Variants in LYRM9 observed in about 807,000 individuals in gnomAD.
The protein encoded by LYRM9 is LYR motif-containing protein 9.
A neutral mutation model predicts 12.6 loss-of-function variants in LYRM9; 14 were observed. That is an observed-to-expected ratio of 1.11 (90% CI 0.73 to 1.73). The LOEUF (loss-of-function observed/expected upper bound fraction) is 1.73. Ranked by LOEUF, LYRM9 falls within the 40% of genes most tolerant of loss-of-function variation. The probability of loss-of-function intolerance (pLI) is 0.00; values close to 1 mark genes in which losing one functional copy is unlikely to be tolerated. For missense variants in LYRM9, 94 were observed against 95.0 expected (o/e 0.99, Z 0.04); for synonymous variants, 42 against 35.1 (o/e 1.20, Z -0.69).
chr17:27,880,296 T>C lies in LYRM9; in HGVS notation c.197A>G (p.Asp66Gly). The change falls in exon 3 of 4, where the codon GAT (aspartate) becomes GGT (glycine). Residue 66 changes from aspartate (D) to glycine (G), a missense_variant. Coordinates refer to ENST00000379102, the MANE Select transcript of LYRM9 (RefSeq NM_001076680.3). Reference protein sequence around the residue: ...IQQIIKRAIEDADWIMNKYKK... With the variant: ...IQQIIKRAIEGADWIMNKYKK... ...TACTTTGTTCATGATCCAGTCAGCA[T>C]CTTCAATGGCTCTTTTAATAATCTG... 1.2e-6 allele frequency: 2 copies of C among 1,610,058 alleles called. No homozygotes were observed. The highest frequency in any genetic ancestry group is 1.7e-6 in the Non-Finnish European group (2 of 1,178,022).
chr17:27,884,875 C>A (rs1322721262), intron 1 of LYRM9, among the ~76,000 whole-genome samples: 1 of 150,130 alleles, frequency 6.7e-6, no homozygotes, highest in African/African-American at 2.4e-5. Flanking sequence ...GAACCAGAAA[C>A]TAAATCTATC....
At chr17:27,884,829 G>GA (rs5819824) in intron 1 of LYRM9, among the ~76,000 whole-genome samples, 87,876 of 144,190 alleles carry the variant, frequency 0.61, 26,477 homozygotes, top group Admixed American at 0.66. Context: ...GAACATATAA[G>GA]AAAAAAAAAA....
intron 1 of LYRM9, among the ~76,000 whole-genome samples, chr17:27,888,469 A>G (rs1905310173): frequency 6.6e-6 from 1 of 152,238 alleles, no homozygotes; most frequent in South Asian, 2.1e-4. Flanking sequence ...GTGAAACGAT[A>G]GTGTGAATTA....
rs59760752 is a variant in LYRM9, at chr17:27,887,713, G to GGT, written c.-18-5003_-18-5002dup. On this transcript the variant is annotated intron_variant, in intron 1 of 3. Transcript: ENST00000379102. Reference sequence around the variant, plus strand: ...GAGAAACAGAACCTATAGGAGGGAGGGTGTGTGTGTGTGTGTGTGTGTGTG... The same window carrying GGT: ...GAGAAACAGAACCTATAGGAGGGAGGGTGTGTGTGTGTGTGTGTGTGTGTGTG... Among the ~76,000 whole-genome samples the GGT allele has an allele frequency of 6.5e-3, 565 of 86,814 alleles. 1 individual carries two copies. Among genetic ancestry groups the GGT allele is most frequent in the East Asian group, 0.012 (36 of 2,908 alleles). 57.0% of individuals were successfully genotyped at this position (86,814 alleles called of 152,430 possible).
chr17:27,881,242 A>C (rs1311446664), intron 2 of LYRM9: 1 of 148,002 alleles, frequency 6.8e-6, no homozygotes, highest in Non-Finnish European at 1.4e-5. Context: ...CATCTCAAAA[A>C]AAAAAAAAAA....
chr17:27,881,583 A>G (rs1314228724), intron 2 of LYRM9, among the ~76,000 whole-genome samples: 2 of 151,804 alleles, frequency 1.3e-5, no homozygotes, highest in Non-Finnish European at 1.5e-5. Flanking sequence ...ATTTTGCTAC[A>G]CTCGCTTTAT....
At chr17:27,887,582 A>C (rs1905270678) in intron 1 of LYRM9, among the ~76,000 whole-genome samples, 1 of 152,148 alleles carries the variant, frequency 6.6e-6, no homozygotes, top group South Asian at 2.1e-4. Context: ...TGAGCCCTGT[A>C]TGGCACACTC....
At position 27,883,872 on chromosome 17, in the gene LYRM9, G is replaced by T. The variant is rs1205841080; in HGVS notation, c.-18-1160C>A. Reference sequence around the variant, plus strand: ...AAAAAAAAAAAAAAAAAAAAAAAAGGCTGTATTGAGGTATAGTTGATATAT... The same window carrying T: ...AAAAAAAAAAAAAAAAAAAAAAAAGTCTGTATTGAGGTATAGTTGATATAT... On this transcript the variant is annotated intron_variant, in intron 1 of 3. Transcript: ENST00000379102. 4.6e-5 allele frequency among the ~76,000 whole-genome samples: 3 copies of T among 64,742 alleles called. No individual in the cohort carries two copies. The South Asian group carries it at 1.0e-3, about 22-fold the overall frequency. 42.5% of individuals were successfully genotyped at this position (64,742 alleles called of 152,430 possible).
At chr17:27,880,250 AG>A (rs1322092569) in intron 3 of LYRM9, 23 bp downstream of exon 3, 6 of 1,572,598 alleles carry the variant, frequency 3.8e-6, no homozygotes, top group Non-Finnish European at 5.2e-6. Context: ...GCTCGCAGGC[AG>A]AGCCCAGGGG....
chr17:27,893,362 G>T lies in LYRM9; in HGVS notation c.-64C>A. 6.6e-6 allele frequency: 1 copy of T among 152,124 alleles called. No individual in the cohort carries two copies. Among genetic ancestry groups the T allele is most frequent in the South Asian group, 2.0e-4 (1 of 4,928 alleles). 9.4% of individuals were successfully genotyped at this position (152,124 alleles called of 1,614,324 possible). A position where few individuals can be genotyped will look rare whatever the true frequency, so the allele number is the denominator to read the frequency against. On this transcript the variant is annotated 5_prime_UTR_variant, in exon 1 of 4. Transcript: ENST00000379102. Reference sequence around the variant, plus strand: ...GCCCCGGACGCCGCCGCGGCGACGAGTGCGCCTGCGCCCCGGGGACTGAGC... The same window carrying T: ...GCCCCGGACGCCGCCGCGGCGACGATTGCGCCTGCGCCCCGGGGACTGAGC...
chr17:27,887,218 C>T (rs1905259894), intron 1 of LYRM9, among the ~76,000 whole-genome samples: 1 of 152,158 alleles, frequency 6.6e-6, no homozygotes, highest in Admixed American at 6.5e-5. Flanking sequence ...TTCATGGCAA[C>T]TTTTCCCAAA....
intron 1 of LYRM9, among the ~76,000 whole-genome samples, chr17:27,884,810 G>C (rs1469799773): frequency 7.0e-6 from 1 of 143,130 alleles, no homozygotes; most frequent in Non-Finnish European, 1.5e-5. Context: ...ACTGGCCTTA[G>C]TTTTAAAGGA....
intron 1 of LYRM9, chr17:27,882,932 G>A (rs941967124): frequency 1.5e-6 from 1 of 647,882 alleles, no homozygotes; most frequent in African/African-American, 1.8e-5. Context: ...TGTGGAGGGA[G>A]ACTTACAGCC....
At chr17:27,887,836 C>A (rs1905289351) in intron 1 of LYRM9, among the ~76,000 whole-genome samples, 1 of 151,446 alleles carries the variant, frequency 6.6e-6, no homozygotes, top group African/African-American at 2.4e-5. Context: ...ATCTGCAGAG[C>A]CAATGTCCCA....
intron 1 of LYRM9, among the ~76,000 whole-genome samples, chr17:27,887,999 A>G (rs1335659801): frequency 6.6e-6 from 1 of 152,170 alleles, no homozygotes; most frequent in South Asian, 2.1e-4. Context: ...CCCATATTAT[A>G]GAGGGCTGTG....
At position 27,879,480 on chromosome 17, in the gene LYRM9, T is replaced by A. The variant is rs1428937553; in HGVS notation, c.230A>T (p.Gln77Leu). 1.3e-6 allele frequency: 2 copies of A among 1,552,086 alleles called. No individual in the cohort carries two copies. Among genetic ancestry groups the A allele is most frequent in the Non-Finnish European group, 8.7e-7 (1 of 1,147,288 alleles). The change falls in exon 4 of 4, where the codon CAA becomes CTA. Residue 77 changes from glutamine to leucine, a missense_variant. Physicochemically the swap from Gln to Leu is moderately radical, Grantham distance 113 (BLOSUM62 -2). Coordinates refer to ENST00000379102, the MANE Select transcript of LYRM9 (RefSeq NM_001076680.3). Reference protein sequence around the residue: ...ADWIMNKYKKQN With the variant: ...ADWIMNKYKKLN ...GGCTCACCCTCGGAGCTCTCAGTTTTGTTTTTTATACTGCAAGACAGAGAG... is the reference window on the plus strand; with the variant it reads ...GGCTCACCCTCGGAGCTCTCAGTTTAGTTTTTTATACTGCAAGACAGAGAG...
At chr17:27,883,649 CAAAA>C (rs747279385) in intron 1 of LYRM9, among the ~76,000 whole-genome samples, 1 of 92,676 alleles carries the variant, frequency 1.1e-5, no homozygotes, top group Non-Finnish European at 2.2e-5. Context: ...GACTCCAACT[CAAAA>C]AAAAAAAAAA....
intron 3 of LYRM9, 40 bp downstream of exon 3, chr17:27,880,234 A>C: frequency 6.8e-7 from 1 of 1,475,330 alleles, no homozygotes; most frequent in Non-Finnish European, 9.4e-7. Context: ...AGCCATCATC[A>C]CCCCAGCTCG....
At chr17:27,883,085 G>C in intron 1 of LYRM9, 1 of 469,934 alleles carries the variant, frequency 2.1e-6, no homozygotes, top group Non-Finnish European at 4.4e-6. Flanking sequence ...CCATGGTCTG[G>C]CGAGGGCACC....
Sources: allele counts gnomAD v4.1 joint callset (sites outside exome capture counted in the v4.1 genomes callset), GRCh38; gene constraint gnomAD v4.1.1; transcripts MANE v1.5; gene names NCBI Gene and HGNC (gene_info 2026-07-23, HGNC 2026-07-21).